MDGA2: variants seen among roughly 807,000 people sequenced by gnomAD.
The protein encoded by MDGA2 is MAM domain containing glycosylphosphatidylinositol anchor 2.
In MDGA2, 40 loss-of-function variants were observed where a neutral mutation model predicts 117.8. That is an observed-to-expected ratio of 0.34 (90% CI 0.26 to 0.44). The LOEUF (loss-of-function observed/expected upper bound fraction) is 0.44, where lower values mean the gene tolerates loss of function less well. Ranked by LOEUF, MDGA2 falls within the 20% of genes least tolerant of loss-of-function variation. The pLI is 1.00. For missense variants in MDGA2, 1,123 were observed against 1,250.6 expected, an observed-to-expected ratio of 0.90 and a Z score of 1.54; for synonymous variants, 452 against 439.0, an observed-to-expected ratio of 1.03 and a Z score of -0.37.
chr14:47,232,433 C>A (rs1886723180), intron 2 of MDGA2, among the ~76,000 whole-genome samples: 2 of 152,042 alleles, frequency 1.3e-5, no homozygotes, highest in Non-Finnish European at 2.9e-5. Flanking sequence ...CATTTCTCTG[C>A]AGACTTTATG....
At chr14:46,857,830 T>A (rs1881330612) in intron 14 of MDGA2, among the ~76,000 whole-genome samples, 1 of 151,926 alleles carries the variant, frequency 6.6e-6, no homozygotes, top group Non-Finnish European at 1.5e-5. Context: ...AATTTATTTA[T>A]CTTTTTTTAT....
chr14:47,391,683 T>A (rs2138439233), intron 1 of MDGA2, among the ~76,000 whole-genome samples: 1 of 152,298 alleles, frequency 6.6e-6, no homozygotes, highest in South Asian at 2.1e-4. Flanking sequence ...TGATCATCTC[T>A]AAAAGTCATT....
chr14:47,451,301 G>C (rs1186283410), intron 1 of MDGA2, among the ~76,000 whole-genome samples: 1 of 152,124 alleles, frequency 6.6e-6, no homozygotes, highest in Non-Finnish European at 1.5e-5. Context: ...AAAAACTTTA[G>C]TGAATCTGTG....
intron 1 of MDGA2, among the ~76,000 whole-genome samples, chr14:47,370,364 G>A (rs1891320063): frequency 6.6e-6 from 1 of 150,512 alleles, no homozygotes; most frequent in African/African-American, 2.4e-5. Context: ...TGTGAATGGA[G>A]GGAGAGATTT....
chr14:47,643,565 T>G lies in MDGA2; in HGVS notation c.280+30952A>C, dbSNP rs1376530493. ...GTTCCTGAAATAAAACCTTGCATCT[T>G]TCTATCACCAGCCATTCTCAAGTAG... On this transcript the variant is annotated intron_variant, in intron 1 of 16. Transcript: ENST00000399232. Among the ~76,000 whole-genome samples the G allele has an allele frequency of 4.6e-5, 7 of 152,124 alleles. No homozygotes were observed. In the East Asian group the frequency reaches 1.2e-3, roughly 25 times the overall value.
intron 6 of MDGA2, among the ~76,000 whole-genome samples, chr14:47,080,232 C>T (rs1214549247): frequency 6.6e-6 from 1 of 152,064 alleles, no homozygotes; most frequent in Non-Finnish European, 1.5e-5. Flanking sequence ...TTCAGACATG[C>T]TAGAGACTAA....
At chr14:47,330,198 T>A (rs1319451221) in intron 1 of MDGA2, among the ~76,000 whole-genome samples, 1 of 151,956 alleles carries the variant, frequency 6.6e-6, no homozygotes, top group Non-Finnish European at 1.5e-5. Context: ...ATATAAATTT[T>A]AATTTATATC....
intron 8 of MDGA2, among the ~76,000 whole-genome samples, chr14:47,032,392 G>A (rs1888694314): frequency 6.6e-6 from 1 of 151,838 alleles, no homozygotes; most frequent in Non-Finnish European, 1.5e-5. Context: ...TTTGGGACAA[G>A]CCTGAGCAAC....
Position 47,315,118 on chromosome 14 carries a change from TAGTTTATTTCTA to T in MDGA2, c.281-13580_281-13569del, listed in dbSNP as rs551531187. Among the ~76,000 whole-genome samples the T allele has an allele frequency of 2.1e-3, 313 of 152,268 alleles. 1 individual carries two copies. Among genetic ancestry groups the T allele is most frequent in the Non-Finnish European group, 3.4e-3 (232 of 68,016 alleles). On this transcript the variant is annotated intron_variant, in intron 1 of 16. Coordinates refer to ENST00000399232, the MANE Select transcript of MDGA2 (RefSeq NM_001113498.3). Reference sequence around the variant, plus strand: ...CCCCAGAGCTAATATAATGATTCTGTAGTTTATTTCTAAGTTTATTTCTAAGCTAAGCTCTAT... The same window carrying T: ...CCCCAGAGCTAATATAATGATTCTGTAGTTTATTTCTAAGCTAAGCTCTAT...
At chr14:47,610,016 C>G (rs1896819300) in intron 1 of MDGA2, among the ~76,000 whole-genome samples, 1 of 151,650 alleles carries the variant, frequency 6.6e-6, no homozygotes, top group African/African-American at 2.4e-5. Flanking sequence ...GGTTTCATAC[C>G]AGGGAAGTCA....
At chr14:47,031,346 C>A (rs567646380) in intron 8 of MDGA2, among the ~76,000 whole-genome samples, 1 of 151,742 alleles carries the variant, frequency 6.6e-6, no homozygotes, top group African/African-American at 2.4e-5. Flanking sequence ...TTTAATTGGA[C>A]GCAAGTAAAA....
At chr14:47,080,623 C>A (rs528550780) in intron 6 of MDGA2, among the ~76,000 whole-genome samples, 5 of 152,300 alleles carry the variant, frequency 3.3e-5, no homozygotes, top group East Asian at 1.9e-4. Context: ...TCAGCAAAAG[C>A]TATGGCCTTT....
At chr14:46,923,008 A>G (rs1248551542) in intron 9 of MDGA2, among the ~76,000 whole-genome samples, 1 of 152,232 alleles carries the variant, frequency 6.6e-6, no homozygotes, top group Non-Finnish European at 1.5e-5. Context: ...ACAAATTGCC[A>G]TTATTCTAGG....
chr14:47,340,513 A>C (rs1890590179), intron 1 of MDGA2, among the ~76,000 whole-genome samples: 1 of 152,154 alleles, frequency 6.6e-6, no homozygotes, highest in African/African-American at 2.4e-5. Context: ...AATCTATCTC[A>C]ATCACAGAGA....
At chr14:47,434,853 AGGCTGGGAGCGGT>A (rs1424544482) in intron 1 of MDGA2, among the ~76,000 whole-genome samples, 1 of 152,094 alleles carries the variant, frequency 6.6e-6, no homozygotes, top group African/African-American at 2.4e-5. Context: ...ACCAACATTG[AGGCTGGGAGCGGT>A]GGCTTATGCC....
chr14:46,978,658 A>G (rs758559454), intron 8 of MDGA2, among the ~76,000 whole-genome samples: 45 of 152,216 alleles, frequency 3.0e-4, no homozygotes, highest in South Asian at 1.5e-3. Flanking sequence ...ATTGTTGTTA[A>G]CAGGAAAAAG....
At chr14:46,893,973 G>C (rs1487281692) in intron 10 of MDGA2, among the ~76,000 whole-genome samples, 2 of 151,820 alleles carry the variant, frequency 1.3e-5, no homozygotes, top group East Asian at 3.9e-4. Flanking sequence ...GCCTTTAATG[G>C]CACATTTGAT....
intron 1 of MDGA2, among the ~76,000 whole-genome samples, chr14:47,559,040 A>G (rs1211826643): frequency 6.6e-6 from 1 of 152,230 alleles, no homozygotes; most frequent in African/African-American, 2.4e-5. Flanking sequence ...AGTACTTTAA[A>G]ACATTAATCA....
chr14:47,629,122 A>C (rs1300073723), intron 1 of MDGA2, among the ~76,000 whole-genome samples: 1 of 152,206 alleles, frequency 6.6e-6, no homozygotes, highest in East Asian at 1.9e-4. Flanking sequence ...CATCCAGGGT[A>C]TCTCTTCCCA....
Sources: gnomAD v4.1 joint callset for allele counts (sites outside exome capture counted in the v4.1 genomes callset) on GRCh38, gnomAD v4.1.1 for gene constraint, MANE v1.5 for transcripts, NCBI Gene and HGNC (gene_info 2026-07-23, HGNC 2026-07-21) for gene names.